The following INPP4B variants were observed in gnomAD, a reference collection of about 807,000 sequenced individuals.
INPP4B encodes the protein inositol polyphosphate 4-phosphatase type II.
In INPP4B, 55 loss-of-function variants were observed where a neutral mutation model predicts 122.5. That is an observed-to-expected ratio of 0.45 (90% CI 0.36 to 0.56). The LOEUF (loss-of-function observed/expected upper bound fraction) is 0.56, where lower values mean the gene tolerates loss of function less well. INPP4B is among the 20% of genes least tolerant of loss of function. The pLI, the probability that INPP4B is intolerant of heterozygous loss-of-function variation, is 0.00. For synonymous variants in INPP4B, 403 were observed against 388.7 expected (o/e 1.04, Z -0.43); for missense variants, 1,000 against 1,097.7 (o/e 0.91, Z 1.26).
At chr4:142,396,711 C>T (rs904154014) in intron 7 of INPP4B, among the ~76,000 whole-genome samples, 3 of 151,908 alleles carry the variant, frequency 2.0e-5, no homozygotes, top group Admixed American at 6.6e-5. Context: ...CATAAATGTC[C>T]ATCAATAAGA....
intron 10 of INPP4B, among the ~76,000 whole-genome samples, chr4:142,262,227 T>G (rs1285085427): frequency 4.6e-5 from 7 of 152,214 alleles, no homozygotes; most frequent in African/African-American, 1.7e-4. Context: ...GCTCAGAGTC[T>G]TATGGCTTAC....
chr4:142,072,230 G>A (rs971464895), intron 25 of INPP4B, among the ~76,000 whole-genome samples: 7 of 151,960 alleles, frequency 4.6e-5, no homozygotes, highest in Admixed American at 2.6e-4. Context: ...GCAAACTATC[G>A]CAAGGACAGA....
chr4:142,814,273 G>A (rs1000804183), intron 1 of INPP4B, among the ~76,000 whole-genome samples: 1 of 152,148 alleles, frequency 6.6e-6, no homozygotes, highest in African/African-American at 2.4e-5. Flanking sequence ...TGCAGGCAAT[G>A]GGGAGAATGT....
chr4:142,209,111 TAAG>T lies in INPP4B; in HGVS notation c.837-88_837-86del, dbSNP rs900866915. The T allele has an allele frequency of 5.4e-6, 5 of 927,250 alleles. No homozygotes were observed. In the Admixed American group the frequency reaches 8.1e-5, roughly 15 times the overall value. 57.4% of individuals were successfully genotyped at this position (927,250 alleles called of 1,614,324 possible). A position where few individuals can be genotyped will look rare whatever the true frequency, so the allele number is the denominator to read the frequency against. On this transcript the variant is annotated intron_variant, in intron 12 of 25. Coordinates refer to ENST00000262992, the MANE Select transcript of INPP4B (RefSeq NM_001101669.3). ...CCCTTAGTCAGAGTTGTCAAGATAATAAGAAATTATTTCATCCTAATTCCCAGG... is the reference window on the plus strand; with the variant it reads ...CCCTTAGTCAGAGTTGTCAAGATAATAAATTATTTCATCCTAATTCCCAGG...
intron 3 of INPP4B, among the ~76,000 whole-genome samples, chr4:142,445,114 T>C (rs1318569301): frequency 6.6e-6 from 1 of 152,040 alleles, no homozygotes; most frequent in Non-Finnish European, 1.5e-5. Flanking sequence ...CAAACCACCA[T>C]GGCACATGTA....
chr4:142,114,296 GAT>G (rs1487964607), intron 21 of INPP4B, among the ~76,000 whole-genome samples: 6 of 151,988 alleles, frequency 3.9e-5, no homozygotes, highest in Non-Finnish European at 8.8e-5. Context: ...GTGGTATGGA[GAT>G]ATGTTTCATT....
chr4:142,616,606 A>T (rs1743757615), intron 2 of INPP4B, among the ~76,000 whole-genome samples: 1 of 152,098 alleles, frequency 6.6e-6, no homozygotes, highest in Admixed American at 6.6e-5. Flanking sequence ...TTTAGTTTTA[A>T]TTTATATTTC....
chr4:142,502,284 C>T (rs1823479834), intron 2 of INPP4B, among the ~76,000 whole-genome samples: 1 of 152,074 alleles, frequency 6.6e-6, no homozygotes, highest in Non-Finnish European at 1.5e-5. Flanking sequence ...ACCCAGGACC[C>T]AGAGCTAACA....
At chr4:142,129,147 T>C (rs905100101) in intron 18 of INPP4B, among the ~76,000 whole-genome samples, 1 of 152,166 alleles carries the variant, frequency 6.6e-6, no homozygotes, top group African/African-American at 2.4e-5. Flanking sequence ...TGATGAACTG[T>C]GAAGCCAAGC....
intron 17 of INPP4B, among the ~76,000 whole-genome samples, chr4:142,153,754 G>A (rs1158157881): frequency 1.3e-5 from 2 of 152,098 alleles, no homozygotes; most frequent in Non-Finnish European, 2.9e-5. Context: ...AAGACATTGA[G>A]CTAGGATGTA....
chr4:142,162,727 A>G (rs1820713881), intron 16 of INPP4B, among the ~76,000 whole-genome samples: 1 of 151,964 alleles, frequency 6.6e-6, no homozygotes, highest in African/African-American at 2.4e-5. Flanking sequence ...ATCTCATTTG[A>G]GTTGATTTAC....
chr4:142,350,748 G>A (rs1214631983), intron 7 of INPP4B, among the ~76,000 whole-genome samples: 3 of 151,918 alleles, frequency 2.0e-5, no homozygotes, highest in African/African-American at 4.8e-5. Context: ...CCTTTACACT[G>A]CAAAATTATA....
intron 2 of INPP4B, among the ~76,000 whole-genome samples, chr4:142,671,400 G>A (rs768129173): frequency 1.3e-5 from 2 of 152,070 alleles, no homozygotes; most frequent in African/African-American, 2.4e-5. Flanking sequence ...GTGCTCCAAT[G>A]AAATGGATTC....
At position 142,412,966 on chromosome 4, in the gene INPP4B, T is replaced by C. The variant is rs527638483; in HGVS notation, c.137-7642A>G. Among the ~76,000 whole-genome samples the C allele has an allele frequency of 2.6e-5, 4 of 152,192 alleles. No individual in the cohort carries two copies. In the East Asian group the frequency reaches 7.7e-4, roughly 29 times the overall value. ...ACACTGCTCTTAACAAACCACAGCTTCTCCCCTCAGTTCACTGGTTTTAAA... is the reference window on the plus strand; with the variant it reads ...ACACTGCTCTTAACAAACCACAGCTCCTCCCCTCAGTTCACTGGTTTTAAA... On this transcript the variant is annotated intron_variant, in intron 5 of 25. Coordinates refer to ENST00000262992, the MANE Select transcript of INPP4B (RefSeq NM_001101669.3).
At chr4:142,541,000 G>T (rs976356008) in intron 2 of INPP4B, among the ~76,000 whole-genome samples, 1 of 152,088 alleles carries the variant, frequency 6.6e-6, no homozygotes, top group African/African-American at 2.4e-5. Context: ...AGACATGGTC[G>T]TCACATTGTT....
At chr4:142,127,977 T>G (rs1212800870) in intron 18 of INPP4B, among the ~76,000 whole-genome samples, 1 of 152,076 alleles carries the variant, frequency 6.6e-6, no homozygotes, top group Non-Finnish European at 1.5e-5. Context: ...TTTGCTCCAA[T>G]GAACATCCCA....
intron 7 of INPP4B, among the ~76,000 whole-genome samples, chr4:142,338,570 C>T (rs1195089872): frequency 6.6e-6 from 1 of 152,188 alleles, no homozygotes; most frequent in Non-Finnish European, 1.5e-5. Context: ...ATATGGAAAT[C>T]TGCTCATCTA....
intron 2 of INPP4B, among the ~76,000 whole-genome samples, chr4:142,644,041 A>G (rs1751158932): frequency 6.6e-6 from 1 of 151,944 alleles, no homozygotes; most frequent in African/African-American, 2.4e-5. Flanking sequence ...TTTCTACAAA[A>G]ACTAAAAAAA....
At chr4:142,826,882 T>G (rs1186150818) in intron 1 of INPP4B, among the ~76,000 whole-genome samples, 1 of 152,206 alleles carries the variant, frequency 6.6e-6, no homozygotes, top group African/African-American at 2.4e-5. Context: ...AGCTTGTCGC[T>G]GTTGTTGAAA....
Sources: allele counts gnomAD v4.1 joint callset (sites outside exome capture counted in the v4.1 genomes callset), GRCh38; gene constraint gnomAD v4.1.1; transcripts MANE v1.5; gene names NCBI Gene and HGNC (gene_info 2026-07-23, HGNC 2026-07-21).